Variants in INPP4B observed in about 807,000 individuals in gnomAD.
INPP4B encodes the protein inositol polyphosphate 4-phosphatase type II.
A neutral mutation model predicts 122.5 loss-of-function variants in INPP4B; 55 were observed. The observed-to-expected ratio is 0.45, with a 90% CI of 0.36 to 0.56. The LOEUF (loss-of-function observed/expected upper bound fraction) is 0.56, where lower values mean the gene tolerates loss of function less well. Ranked by LOEUF, INPP4B falls within the 20% of genes least tolerant of loss-of-function variation. The pLI, the probability that INPP4B is intolerant of heterozygous loss-of-function variation, is 0.00. For synonymous variants in INPP4B, 403 were observed against 388.7 expected, an observed-to-expected ratio of 1.04 and a Z score of -0.43; for missense variants, 1,000 against 1,097.7, an observed-to-expected ratio of 0.91 and a Z score of 1.26.
At chr4:142,217,804 TGGA>T (rs1273034750) in intron 12 of INPP4B, among the ~76,000 whole-genome samples, 1 of 152,000 alleles carries the variant, frequency 6.6e-6, no homozygotes, top group Non-Finnish European at 1.5e-5. Flanking sequence ...TTCAATCAGG[TGGA>T]GGCCTGAATA....
At chr4:142,571,688 A>C (rs562103236) in intron 2 of INPP4B, among the ~76,000 whole-genome samples, 2 of 152,288 alleles carry the variant, frequency 1.3e-5, no homozygotes, top group East Asian at 3.9e-4. Context: ...ATGAAAAAGT[A>C]AGTTTTGCTA....
At chr4:142,671,277 T>C (rs1439811408) in intron 2 of INPP4B, among the ~76,000 whole-genome samples, 1 of 152,122 alleles carries the variant, frequency 6.6e-6, no homozygotes, top group African/African-American at 2.4e-5. Flanking sequence ...AGCCAATTTG[T>C]CTCTCAAAGC....
At chr4:142,469,308 A>G (rs1031630357) in intron 2 of INPP4B, among the ~76,000 whole-genome samples, 1 of 152,116 alleles carries the variant, frequency 6.6e-6, no homozygotes, top group African/African-American at 2.4e-5. Context: ...AGCAGTAACA[A>G]CAAAATCAAT....
intron 2 of INPP4B, among the ~76,000 whole-genome samples, chr4:142,603,078 G>A (rs1740414291): frequency 6.6e-6 from 1 of 152,138 alleles, no homozygotes; most frequent in Admixed American, 6.5e-5. Context: ...GTCCTTTGCA[G>A]GGACATGGAT....
intron 22 of INPP4B, among the ~76,000 whole-genome samples, chr4:142,110,854 A>G (rs1012120559): frequency 6.6e-6 from 1 of 152,136 alleles, no homozygotes; most frequent in African/African-American, 2.4e-5. Flanking sequence ...TTGAAAATAT[A>G]ATGCTGACTA....
At chr4:142,489,044 T>C (rs1178800740) in intron 2 of INPP4B, among the ~76,000 whole-genome samples, 1 of 152,180 alleles carries the variant, frequency 6.6e-6, no homozygotes, top group Non-Finnish European at 1.5e-5. Context: ...CAAATTTTAA[T>C]ATCTATGTGT....
At chr4:142,742,630 A>G (rs1011115995) in intron 1 of INPP4B, among the ~76,000 whole-genome samples, 2 of 151,996 alleles carry the variant, frequency 1.3e-5, no homozygotes, top group South Asian at 4.1e-4. Flanking sequence ...AAGCAAATAT[A>G]TATTCAGATG....
At chr4:142,813,323 TAAAC>T (rs1165963753) in intron 1 of INPP4B, among the ~76,000 whole-genome samples, 3 of 152,134 alleles carry the variant, frequency 2.0e-5, no homozygotes, top group Admixed American at 6.6e-5. Context: ...TGATAAAAGA[TAAAC>T]AAAGAAATGC....
intron 25 of INPP4B, among the ~76,000 whole-genome samples, chr4:142,040,127 G>A (rs1449766952): frequency 1.3e-5 from 2 of 152,058 alleles, no homozygotes; most frequent in African/African-American, 2.4e-5. Flanking sequence ...GGGAAGAAGA[G>A]GAGGGAGGAA....
At chr4:142,362,002 A>G (rs1785578988) in intron 7 of INPP4B, among the ~76,000 whole-genome samples, 1 of 152,024 alleles carries the variant, frequency 6.6e-6, no homozygotes, top group Admixed American at 6.6e-5. Flanking sequence ...GTGCAAAAGT[A>G]AAACATGAAC....
intron 25 of INPP4B, among the ~76,000 whole-genome samples, chr4:142,076,560 C>T (rs1166520219): frequency 1.3e-5 from 2 of 152,028 alleles, no homozygotes; most frequent in African/African-American, 2.4e-5. Context: ...AAACACACCA[C>T]TGAAACTCTC....
intron 25 of INPP4B, among the ~76,000 whole-genome samples, chr4:142,036,574 ATT>A (rs1560893744): frequency 6.6e-6 from 1 of 152,134 alleles, no homozygotes; most frequent in Non-Finnish European, 1.5e-5. Flanking sequence ...AGATGGCTTT[ATT>A]TTCTACAACT....
chr4:142,598,280 T>C (rs1739140270), intron 2 of INPP4B, among the ~76,000 whole-genome samples: 1 of 152,186 alleles, frequency 6.6e-6, no homozygotes, highest in Admixed American at 6.5e-5. Flanking sequence ...AGAGTTCTTT[T>C]ACTCACATAA....
chr4:142,796,505 G>A (rs1311741727), intron 1 of INPP4B, among the ~76,000 whole-genome samples: 1 of 151,946 alleles, frequency 6.6e-6, no homozygotes, highest in African/African-American at 2.4e-5. Context: ...ACGGTTGATA[G>A]CAGGCAAAAG....
At chr4:142,365,534 T>C (rs1787126977) in intron 7 of INPP4B, among the ~76,000 whole-genome samples, 1 of 152,140 alleles carries the variant, frequency 6.6e-6, no homozygotes, top group Non-Finnish European at 1.5e-5. Context: ...ATGTGGGCAA[T>C]GCACATTGAG....
At chr4:142,566,670 A>G (rs1731686629) in intron 2 of INPP4B, among the ~76,000 whole-genome samples, 1 of 152,202 alleles carries the variant, frequency 6.6e-6, no homozygotes, top group Non-Finnish European at 1.5e-5. Context: ...TAACTTGTCC[A>G]GTGTTACAAA....
At chr4:142,182,107 C>T (rs1193342924) in intron 15 of INPP4B, among the ~76,000 whole-genome samples, 3 of 152,074 alleles carry the variant, frequency 2.0e-5, no homozygotes, top group East Asian at 3.8e-4. Context: ...GGAAGAAGAA[C>T]TTGAGACTAA....
Position 142,431,260 on chromosome 4 carries a change from G to T in INPP4B, c.-1C>A, listed in dbSNP as rs771574989. 3 of 1,611,788 alleles carry T rather than the reference G, an allele frequency of 1.9e-6. No homozygotes were observed. The highest frequency in any genetic ancestry group is 3.3e-5 in the Admixed American group (2 of 59,898). On this transcript the variant is annotated 5_prime_UTR_variant, in exon 4 of 26. Transcript: ENST00000262992. ...ATGCCCCTTCCTCTTTAATTTCCAT[G>T]ATCAACCTTCACAGTTTTAAAATTT...
chr4:142,686,384 A>T (rs1247247747), intron 2 of INPP4B, among the ~76,000 whole-genome samples: 2 of 152,224 alleles, frequency 1.3e-5, no homozygotes, highest in African/African-American at 2.4e-5. Context: ...AAAAGAAAAA[A>T]ACCCAAGTTC....
Sources: gnomAD v4.1 joint callset for allele counts (sites outside exome capture counted in the v4.1 genomes callset) on GRCh38, gnomAD v4.1.1 for gene constraint, MANE v1.5 for transcripts, NCBI Gene and HGNC (gene_info 2026-07-23, HGNC 2026-07-21) for gene names.